DMD: variants seen among roughly 807,000 people sequenced by gnomAD.
The protein encoded by DMD is dystrophin, also known as mutant dystrophin.
DMD carries 63 observed loss-of-function variants against 330.1 expected under a neutral mutation model. The ratio of observed to expected loss-of-function variants is 0.19; its 90% CI spans 0.16 to 0.24. The LOEUF (loss-of-function observed/expected upper bound fraction) is 0.24. Ranked by LOEUF, DMD falls within the 10% of genes least tolerant of loss-of-function variation. DMD has a pLI of 1.00. For missense variants in DMD, 3,344 were observed against 2,684.1 expected, an observed-to-expected ratio of 1.25 and a Z score of -5.43; for synonymous variants, 1,223 against 959.8, an observed-to-expected ratio of 1.27 and a Z score of -5.07.
At chrX:33,011,618 G>C (rs559258734) in intron 2 of DMD, among the ~76,000 whole-genome samples, 72 of 111,830 alleles carry the variant, frequency 6.4e-4, no homozygotes, top group African/African-American at 2.1e-3. Flanking sequence ...TCTTGGAGAG[G>C]GAAAACCATG....
chrX:32,549,819 C>T (rs927289402), intron 16 of DMD, among the ~76,000 whole-genome samples: 1 of 111,502 alleles, frequency 9.0e-6, no homozygotes, highest in African/African-American at 3.3e-5. Context: ...TCTTTCTTTC[C>T]ATCTTCTCTT....
At chrX:31,800,591 C>T (rs772699083) in intron 50 of DMD, among the ~76,000 whole-genome samples, 1 of 112,521 alleles carries the variant, frequency 8.9e-6, no homozygotes, top group East Asian at 2.8e-4. Flanking sequence ...TGTCTTGGCG[C>T]TTAACATTTG....
chrX:32,197,341 T>C (rs937783886), intron 44 of DMD, among the ~76,000 whole-genome samples: 2 of 111,629 alleles, frequency 1.8e-5, no homozygotes, highest in Non-Finnish European at 3.8e-5. Context: ...CCTTTAGTTA[T>C]TTTTAAATGT....
chrX:32,870,238 C>T (rs2082842936), intron 2 of DMD, among the ~76,000 whole-genome samples: 1 of 111,139 alleles, frequency 9.0e-6, no homozygotes, highest in South Asian at 3.8e-4. Context: ...AGGCTAAGTG[C>T]ACCACCTCTT....
intron 1 of DMD, among the ~76,000 whole-genome samples, chrX:33,313,455 T>A (rs1471627750): frequency 1.8e-5 from 2 of 111,714 alleles, no homozygotes; most frequent in Non-Finnish European, 3.8e-5. Flanking sequence ...ATCCAGGTTT[T>A]GTCAGGCACT....
At chrX:31,498,269 A>G (rs192954452) in intron 56 of DMD, among the ~76,000 whole-genome samples, 2 of 112,314 alleles carry the variant, frequency 1.8e-5, no homozygotes, top group African/African-American at 3.2e-5. Flanking sequence ...TAAATATTCA[A>G]TATGAGGGAA....
At chrX:32,433,082 A>C (rs2098245015) in intron 29 of DMD, among the ~76,000 whole-genome samples, 1 of 112,526 alleles carries the variant, frequency 8.9e-6, no homozygotes. Context: ...AAGGCTTTGG[A>C]CTTCTCAATG....
chrX:32,142,770 T>G (rs2096759851), intron 44 of DMD, among the ~76,000 whole-genome samples: 1 of 112,494 alleles, frequency 8.9e-6, no homozygotes, highest in African/African-American at 3.2e-5. Context: ...CTTGTTAGAA[T>G]AGCACACTAT....
intron 11 of DMD, among the ~76,000 whole-genome samples, chrX:32,627,611 C>T (rs912377698): frequency 3.6e-5 from 4 of 110,922 alleles, no homozygotes; most frequent in Admixed American, 2.9e-4. Context: ...AGTGGGAACT[C>T]AGGTAGTTTG....
chrX:31,236,469 G>T (rs2047727618), intron 63 of DMD, among the ~76,000 whole-genome samples: 1 of 112,426 alleles, frequency 8.9e-6, no homozygotes, highest in Non-Finnish European at 1.9e-5. Context: ...ATCTTGGGTG[G>T]CAGAGATCTC....
intron 4 of DMD, among the ~76,000 whole-genome samples, chrX:32,823,816 T>C (rs761534419): frequency 2.7e-5 from 3 of 111,770 alleles, no homozygotes; most frequent in African/African-American, 9.7e-5. Context: ...GTTAGGTCTC[T>C]AATAAACAAT....
intron 2 of DMD, among the ~76,000 whole-genome samples, chrX:32,856,573 T>G (rs1280733024): frequency 8.9e-6 from 1 of 111,896 alleles, no homozygotes; most frequent in South Asian, 3.7e-4. Flanking sequence ...AAAACAAACT[T>G]TGCATGGGCT....
intron 41 of DMD, among the ~76,000 whole-genome samples, chrX:32,331,939 A>C (rs943597873): frequency 1.8e-5 from 2 of 111,563 alleles, no homozygotes; most frequent in Admixed American, 1.9e-4. Context: ...ACAAAATCCT[A>C]TGTTCATATA....
chrX:32,859,467 ACACACACACACACACAC>A (rs2081895559), intron 2 of DMD, among the ~76,000 whole-genome samples: 1 of 43,938 alleles, frequency 2.3e-5, no homozygotes. Flanking sequence ...GATCTCACAC[ACACACACACACACACAC>A]ACACACACAC....
chrX:31,806,725 G>A (rs1281481728), intron 50 of DMD, among the ~76,000 whole-genome samples: 1 of 112,342 alleles, frequency 8.9e-6, no homozygotes, highest in Admixed American at 9.5e-5. Context: ...CTCACACTGG[G>A]TTTTACTATA....
intron 59 of DMD, among the ~76,000 whole-genome samples, chrX:31,464,826 T>A (rs1388904885): frequency 8.9e-6 from 1 of 112,463 alleles, no homozygotes. Flanking sequence ...GATTATAGAC[T>A]TCGGTGAAGA....
intron 74 of DMD, among the ~76,000 whole-genome samples, chrX:31,156,629 A>C (rs971017127): frequency 1.2e-4 from 14 of 112,229 alleles, no homozygotes; most frequent in Non-Finnish European, 2.6e-4. Context: ...TCGACATTCT[A>C]TATGTCAAAC....
intron 45 of DMD, among the ~76,000 whole-genome samples, chrX:31,932,782 A>G (rs1303913942): frequency 8.9e-6 from 1 of 112,396 alleles, no homozygotes; most frequent in Admixed American, 9.4e-5. Context: ...ATACATACAT[A>G]CATACATACA....
At chrX:32,780,686 T>G (rs1296636111) in intron 7 of DMD, among the ~76,000 whole-genome samples, 1 of 111,500 alleles carries the variant, frequency 9.0e-6, no homozygotes, top group Non-Finnish European at 1.9e-5. Context: ...ATTAATCAGT[T>G]AATTTAATCT....
Sources: gnomAD v4.1 joint callset for allele counts (sites outside exome capture counted in the v4.1 genomes callset) on GRCh38, gnomAD v4.1.1 for gene constraint, MANE v1.5 for transcripts, NCBI Gene and HGNC (gene_info 2026-07-23, HGNC 2026-07-21) for gene names.